Variants in SGCZ observed in about 807,000 individuals in gnomAD.
SGCZ encodes zeta-sarcoglycan.
SGCZ carries 40 observed loss-of-function variants against 41.3 expected under a neutral mutation model. That is an observed-to-expected ratio of 0.97 (90% CI 0.75 to 1.26). SGCZ has a LOEUF of 1.26. Ranked by LOEUF, SGCZ falls within the 50% of genes most tolerant of loss-of-function variation. The probability of loss-of-function intolerance (pLI) is 0.00; values close to 1 mark genes in which losing one functional copy is unlikely to be tolerated. For synonymous variants in SGCZ, 206 were observed against 137.5 expected, an observed-to-expected ratio of 1.50 and a Z score of -3.49; for missense variants, 552 against 369.8, an observed-to-expected ratio of 1.49 and a Z score of -4.04.
At chr8:14,239,684 C>T (rs969969542) in intron 3 of SGCZ, among the ~76,000 whole-genome samples, 6 of 151,462 alleles carry the variant, frequency 4.0e-5, no homozygotes, top group African/African-American at 7.3e-5. Flanking sequence ...GGGCGGATCA[C>T]GAGGTCAGGA....
chr8:14,695,435 TC>T (rs1477717938), intron 1 of SGCZ, among the ~76,000 whole-genome samples: 3 of 152,122 alleles, frequency 2.0e-5, no homozygotes, highest in Admixed American at 2.0e-4. Context: ...ATCTCATGTG[TC>T]CAAAAGTACC....
At chr8:14,325,343 C>G (rs1802056033) in intron 2 of SGCZ, among the ~76,000 whole-genome samples, 1 of 151,760 alleles carries the variant, frequency 6.6e-6, no homozygotes, top group Non-Finnish European at 1.5e-5. Flanking sequence ...GGTTTCACAA[C>G]TAAGCATGAA....
At chr8:14,407,022 A>G (rs1292545411) in intron 2 of SGCZ, among the ~76,000 whole-genome samples, 1 of 151,686 alleles carries the variant, frequency 6.6e-6, no homozygotes, top group Admixed American at 6.6e-5. Context: ...TCCTGCATCA[A>G]TATGAATATA....
At chr8:14,522,731 A>G (rs11203619) in intron 2 of SGCZ, among the ~76,000 whole-genome samples, 56,283 of 151,222 alleles carry the variant, frequency 0.37, 11,741 homozygotes, top group African/African-American at 0.56. Flanking sequence ...CATTTTAACC[A>G]TGTTAAAATT....
intron 1 of SGCZ, among the ~76,000 whole-genome samples, chr8:14,813,602 T>A (rs745343671): frequency 3.4e-4 from 52 of 152,150 alleles, no homozygotes; most frequent in Non-Finnish European, 2.5e-4. Context: ...TACACAGAAG[T>A]AGCTAGTCTT....
chr8:14,136,164 G>T (rs750626573), intron 5 of SGCZ, among the ~76,000 whole-genome samples: 2 of 152,052 alleles, frequency 1.3e-5, no homozygotes, highest in Admixed American at 1.3e-4. Flanking sequence ...AAACACTAAA[G>T]AATCAACTGG....
intron 1 of SGCZ, among the ~76,000 whole-genome samples, chr8:15,149,465 C>CA (rs1442089423): frequency 1.3e-5 from 2 of 151,996 alleles, no homozygotes; most frequent in African/African-American, 2.4e-5. Context: ...TAAAATGCAC[C>CA]AAAAAATCTT....
At position 15,106,201 on chromosome 8, in the gene SGCZ, G is replaced by A. The variant is rs565615200; in HGVS notation, c.39+131384C>T. ...CATCTTTTACTACTAATTAGTAAAT[G>A]ATGTGTTGTACATAGCATTAATAAT... On this transcript the variant is annotated intron_variant, in intron 1 of 7. Coordinates refer to ENST00000382080, the MANE Select transcript of SGCZ (RefSeq NM_139167.4). 2.0e-5 allele frequency among the ~76,000 whole-genome samples: 3 copies of A among 152,088 alleles called. No homozygotes were observed. The South Asian group carries it at 6.2e-4, about 32-fold the overall frequency.
rs1250587886 is a variant in SGCZ at position 15,142,665 on chromosome 8, C to T, written c.39+94920G>A. Among the ~76,000 whole-genome samples, 5 of 151,480 alleles carry T rather than the reference C, an allele frequency of 3.3e-5. No homozygotes were observed. In the East Asian group the frequency reaches 7.8e-4, roughly 24 times the overall value. On this transcript the variant is annotated intron_variant, in intron 1 of 7. Transcript: ENST00000382080. ...ACCAGGAAAATAAATGCTTCCCGCC[C>T]CCACCCCCCAATCTCATCTCACTGT... is the stretch of plus-strand genomic sequence containing the variant.
At chr8:14,649,951 A>G (rs1436308527) in intron 1 of SGCZ, among the ~76,000 whole-genome samples, 1 of 152,042 alleles carries the variant, frequency 6.6e-6, no homozygotes, top group Non-Finnish European at 1.5e-5. Context: ...GGGCTATTGG[A>G]AGCAGCAGGT....
At chr8:14,959,130 A>G (rs1293412693) in intron 1 of SGCZ, among the ~76,000 whole-genome samples, 1 of 152,136 alleles carries the variant, frequency 6.6e-6, no homozygotes, top group African/African-American at 2.4e-5. Flanking sequence ...ACATTTTTTG[A>G]GCAATACAAC....
intron 1 of SGCZ, among the ~76,000 whole-genome samples, chr8:15,068,347 C>G (rs973729409): frequency 6.6e-6 from 1 of 152,206 alleles, no homozygotes; most frequent in East Asian, 1.9e-4. Context: ...GAGGCCCACA[C>G]TGTAACCCAC....
chr8:14,993,569 T>G (rs141534071), intron 1 of SGCZ, among the ~76,000 whole-genome samples: 1 of 152,198 alleles, frequency 6.6e-6, no homozygotes, highest in Admixed American at 6.6e-5. Context: ...GGATACATAC[T>G]CAAAATGTGA....
chr8:14,709,828 A>C (rs17322154), intron 1 of SGCZ, among the ~76,000 whole-genome samples: 2,296 of 152,146 alleles, frequency 0.015, 30 homozygotes, highest in South Asian at 0.067. Flanking sequence ...TTACTATGTG[A>C]GGAATTTTAC....
chr8:14,845,514 T>G (rs889730691), intron 1 of SGCZ, among the ~76,000 whole-genome samples: 1 of 152,076 alleles, frequency 6.6e-6, no homozygotes, highest in Non-Finnish European at 1.5e-5. Context: ...TGGCTTACAA[T>G]AAGTAGAAAA....
chr8:14,839,838 A>G (rs955282926), intron 1 of SGCZ, among the ~76,000 whole-genome samples: 8 of 152,176 alleles, frequency 5.3e-5, no homozygotes, highest in African/African-American at 1.9e-4. Context: ...AGCCTGTCTT[A>G]TTTACTTTCA....
At chr8:14,622,627 G>A (rs11993407) in intron 1 of SGCZ, among the ~76,000 whole-genome samples, 60,880 of 152,024 alleles carry the variant, frequency 0.4, 12,474 homozygotes, top group East Asian at 0.71. Context: ...TTAGAAGCCA[G>A]CTTAAAAAGT....
chr8:14,295,308 C>G (rs1800971738), intron 3 of SGCZ, among the ~76,000 whole-genome samples: 1 of 152,262 alleles, frequency 6.6e-6, no homozygotes, highest in Middle Eastern at 3.4e-3. Context: ...TCAGAACTCA[C>G]TGTAGTAGCT....
intron 1 of SGCZ, among the ~76,000 whole-genome samples, chr8:14,930,941 C>A (rs1799907363): frequency 6.6e-6 from 1 of 151,932 alleles, no homozygotes; most frequent in African/African-American, 2.4e-5. Flanking sequence ...TGCAGCAAAC[C>A]ACCATGGCAC....
Sources: allele counts gnomAD v4.1 joint callset (sites outside exome capture counted in the v4.1 genomes callset), GRCh38; gene constraint gnomAD v4.1.1; transcripts MANE v1.5; gene names NCBI Gene and HGNC (gene_info 2026-07-23, HGNC 2026-07-21).